GLIS3: variants seen among roughly 807,000 people sequenced by gnomAD.
The protein encoded by GLIS3 is zinc finger protein GLIS3.
GLIS3 carries 53 observed loss-of-function variants against 78.6 expected under a neutral mutation model. That is an observed-to-expected ratio of 0.67 (90% confidence interval 0.54 to 0.85). GLIS3 has a LOEUF of 0.85. GLIS3 is among the 40% of genes least tolerant of loss of function. GLIS3 has a pLI of 0.00. For synonymous variants in GLIS3, 684 were observed against 509.9 expected (o/e 1.34, Z -4.60); for missense variants, 1,703 against 1,231.1 (o/e 1.38, Z -5.74).
chr9:4,340,899 T>C (rs1278502722), intron 2 of GLIS3, among the ~76,000 whole-genome samples: 1 of 152,168 alleles, frequency 6.6e-6, no homozygotes, highest in Non-Finnish European at 1.5e-5. Context: ...TTTCGCCATG[T>C]TGGCCAGGCT....
intron 2 of GLIS3, among the ~76,000 whole-genome samples, chr9:4,260,491 C>A (rs10974417): frequency 0.22 from 33,486 of 149,894 alleles, 4,183 homozygotes; most frequent in South Asian, 0.46. Context: ...TGCTTGAACT[C>A]GGGGGGCAGA....
intron 4 of GLIS3, among the ~76,000 whole-genome samples, chr9:4,080,913 AG>A (rs1828507734): frequency 6.6e-6 from 1 of 152,142 alleles, no homozygotes; most frequent in Non-Finnish European, 1.5e-5. Flanking sequence ...TCACCTCTCA[AG>A]GAAACGGTGT....
intron 8 of GLIS3, among the ~76,000 whole-genome samples, chr9:3,859,139 A>T (rs980065809): frequency 7.2e-5 from 11 of 152,190 alleles, no homozygotes; most frequent in African/African-American, 2.7e-4. Flanking sequence ...TCTCTCAGCA[A>T]GAGAGATGCC....
the GLIS3 span, among the ~76,000 whole-genome samples, chr9:4,412,320 T>C: frequency 6.6e-6 from 1 of 152,232 alleles, no homozygotes; most frequent in African/African-American, 2.4e-5. Context: ...CAAAGTTTTT[T>C]AGTGGACTAA....
chr9:4,238,894 A>C (rs1168646457), intron 2 of GLIS3, among the ~76,000 whole-genome samples: 1 of 152,124 alleles, frequency 6.6e-6, no homozygotes, highest in Non-Finnish European at 1.5e-5. Flanking sequence ...CACAGCAGCT[A>C]CTGCAGTGAC....
At chr9:4,261,143 T>G (rs1825490220) in intron 2 of GLIS3, among the ~76,000 whole-genome samples, 1 of 152,192 alleles carries the variant, frequency 6.6e-6, no homozygotes, top group South Asian at 2.1e-4. Context: ...GAGTCTTGAT[T>G]AACTCATCCC....
At chr9:4,400,425 C>T in the GLIS3 span, among the ~76,000 whole-genome samples, 2 of 152,092 alleles carry the variant, frequency 1.3e-5, no homozygotes, top group Non-Finnish European at 2.9e-5. Flanking sequence ...TTATTTTGAG[C>T]CTTAAAAGAA....
chr9:4,107,693 G>C (rs1029459659), intron 4 of GLIS3, among the ~76,000 whole-genome samples: 4 of 150,438 alleles, frequency 2.7e-5, no homozygotes, highest in Non-Finnish European at 4.4e-5. Flanking sequence ...TGATCTCAGA[G>C]ACAATCCAGA....
At chr9:4,045,536 A>G (rs1191351261) in intron 4 of GLIS3, among the ~76,000 whole-genome samples, 1 of 150,110 alleles carries the variant, frequency 6.7e-6, no homozygotes, top group Non-Finnish European at 1.5e-5. Context: ...GATGGGTTTC[A>G]CCATGTTGGC....
At chr9:4,274,377 T>C (rs146987806) in intron 2 of GLIS3, among the ~76,000 whole-genome samples, 25 of 152,260 alleles carry the variant, frequency 1.6e-4, no homozygotes, top group Non-Finnish European at 2.2e-4. Flanking sequence ...CTACTTAACA[T>C]TGATTGGGTT....
intron 4 of GLIS3, among the ~76,000 whole-genome samples, chr9:4,069,791 T>G (rs1247845542): frequency 6.6e-6 from 1 of 152,022 alleles, no homozygotes; most frequent in Non-Finnish European, 1.5e-5. Context: ...TATGAAAGAT[T>G]TGGGAATCAT....
the GLIS3 span, among the ~76,000 whole-genome samples, chr9:4,366,663 G>A: frequency 6.6e-6 from 1 of 152,236 alleles, no homozygotes; most frequent in South Asian, 2.1e-4. Context: ...TGATTGCGAT[G>A]GCGACGAGGA....
At chr9:4,164,751 G>T (rs913578901) in intron 2 of GLIS3, among the ~76,000 whole-genome samples, 1 of 152,182 alleles carries the variant, frequency 6.6e-6, no homozygotes, top group Non-Finnish European at 1.5e-5. Flanking sequence ...TGTATAAAGT[G>T]AGAGGCTTAC....
At chr9:4,067,969 T>A (rs1048898692) in intron 4 of GLIS3, among the ~76,000 whole-genome samples, 1 of 152,050 alleles carries the variant, frequency 6.6e-6, no homozygotes, top group Non-Finnish European at 1.5e-5. Flanking sequence ...TGGGTAAAGA[T>A]AATAGAAAAA....
chr9:4,018,068 G>A (rs537771019), intron 4 of GLIS3, among the ~76,000 whole-genome samples: 1 of 152,294 alleles, frequency 6.6e-6, no homozygotes, highest in African/African-American at 2.4e-5. Context: ...ATAAACACGT[G>A]CATTTTCGAA....
chr9:4,451,162 A>C, the GLIS3 span, among the ~76,000 whole-genome samples: 1 of 152,154 alleles, frequency 6.6e-6, no homozygotes. Context: ...AGATCTACCA[A>C]GCAAATGGAA....
intron 4 of GLIS3, among the ~76,000 whole-genome samples, chr9:4,028,347 T>A (rs545563193): frequency 6.6e-6 from 1 of 152,296 alleles, no homozygotes; most frequent in South Asian, 2.1e-4. Context: ...AGCTACTTAA[T>A]GAAAAACCAA....
the GLIS3 span, among the ~76,000 whole-genome samples, chr9:4,484,606 C>G: frequency 0.011 from 1,637 of 151,728 alleles, 31 homozygotes; most frequent in Non-Finnish European, 0.013. Context: ...TTAGTAGGGA[C>G]AGGTTTCACC....
the GLIS3 span, among the ~76,000 whole-genome samples, chr9:4,396,148 C>G: frequency 2.6e-5 from 4 of 151,576 alleles, 1 homozygote; most frequent in South Asian, 8.4e-4. Context: ...AATCTCACTC[C>G]GTCACCCAGG....
Sources: gnomAD v4.1 joint callset for allele counts (sites outside exome capture counted in the v4.1 genomes callset) on GRCh38, gnomAD v4.1.1 for gene constraint, MANE v1.5 for transcripts, NCBI Gene and HGNC (gene_info 2026-07-23, HGNC 2026-07-21) for gene names.